The following ALMS1 variants were observed in gnomAD, a reference collection of about 807,000 sequenced individuals.
ALMS1 encodes the protein centrosome-associated protein ALMS1.
Under a neutral mutation model 352.2 loss-of-function variants are expected in ALMS1, and 271 were observed. The observed-to-expected ratio is 0.77, with a 90% CI of 0.70 to 0.85. The LOEUF is 0.85. ALMS1 is among the 40% of genes least tolerant of loss of function. The pLI is 0.00. For missense variants in ALMS1, 5,445 were observed against 4,870.7 expected (o/e 1.12, Z -3.51); for synonymous variants, 1,865 against 1,761.2 (o/e 1.06, Z -1.48).
At chr2:73,436,708 A>G (rs557215877) in intron 7 of ALMS1, among the ~76,000 whole-genome samples, 1 of 152,152 alleles carries the variant, frequency 6.6e-6, no homozygotes, top group Non-Finnish European at 1.5e-5. Context: ...TGTACTTTTC[A>G]GCCTTAGAAT....
At chr2:73,566,091 G>C (rs2104086447) in intron 15 of ALMS1, among the ~76,000 whole-genome samples, 1 of 151,982 alleles carries the variant, frequency 6.6e-6, no homozygotes, top group South Asian at 2.1e-4. Flanking sequence ...CTGGGTATGG[G>C]GTATAGGTAA....
At position 73,609,588 on chromosome 2, in the gene ALMS1, G is replaced by A. The variant is rs756592287; in HGVS notation, c.12483G>A (p.Leu4161=). 1.7e-5 allele frequency: 28 copies of A among 1,613,940 alleles called. No individual in the cohort carries two copies. Among genetic ancestry groups the A allele is most frequent in the Non-Finnish European group, 2.4e-5 (28 of 1,179,968 alleles). Residue 4161 remains leucine, a synonymous_variant, in exon 23 of 23, where the codon CTG becomes CTA. Transcript: ENST00000613296. The stretch of plus-strand genomic sequence containing the variant: ...TACAGAGAGTGACCAATCAACTTCT[G>A]GGGAGAAAAGTTCCCTGGGACTGAC... ...LYKKRVTNQL[L]GRKVPWD is the part of the protein sequence containing the mutation.
At chr2:73,393,491 A>G (rs768884047) in intron 1 of ALMS1, among the ~76,000 whole-genome samples, 11 of 151,762 alleles carry the variant, frequency 7.2e-5, no homozygotes, top group South Asian at 4.1e-4. Flanking sequence ...CAGGGCTTTT[A>G]GTGTATCCAT....
At chr2:73,517,325 C>T (rs966077239) in intron 10 of ALMS1, among the ~76,000 whole-genome samples, 1 of 138,720 alleles carries the variant, frequency 7.2e-6, no homozygotes, top group Non-Finnish European at 1.5e-5. Context: ...GCAGTCACGG[C>T]TCACTGCTGC....
intron 16 of ALMS1, among the ~76,000 whole-genome samples, chr2:73,598,221 A>G (rs778323581): frequency 6.6e-6 from 1 of 152,196 alleles, no homozygotes; most frequent in African/African-American, 2.4e-5. Context: ...GTTCAAATCT[A>G]GGTATGGTAT....
chr2:73,579,107 T>C (rs1217936543), intron 16 of ALMS1, among the ~76,000 whole-genome samples: 1 of 143,208 alleles, frequency 7.0e-6, no homozygotes, highest in Non-Finnish European at 1.5e-5. Flanking sequence ...CGTCCTGGGC[T>C]GTAGTGCAAT....
At chr2:73,396,383 A>G (rs915684435) in intron 1 of ALMS1, among the ~76,000 whole-genome samples, 1 of 151,954 alleles carries the variant, frequency 6.6e-6, no homozygotes, top group African/African-American at 2.4e-5. Context: ...TTTGTAAGAT[A>G]TATTGGTCTG....
chr2:73,524,100 A>C (rs1204945775), intron 11 of ALMS1, among the ~76,000 whole-genome samples: 1 of 152,220 alleles, frequency 6.6e-6, no homozygotes, highest in Admixed American at 6.5e-5. Flanking sequence ...TCCTTTTTGT[A>C]AAGATAGAAA....
chr2:73,504,746 TA>T (rs1377057787), intron 10 of ALMS1, among the ~76,000 whole-genome samples: 2 of 152,158 alleles, frequency 1.3e-5, no homozygotes, highest in East Asian at 3.8e-4. Flanking sequence ...CTTTTTTTTT[TA>T]TACTTTAAGT....
At chr2:73,545,569 A>C (rs762407139) in intron 12 of ALMS1, among the ~76,000 whole-genome samples, 1 of 152,240 alleles carries the variant, frequency 6.6e-6, no homozygotes, top group Non-Finnish European at 1.5e-5. Context: ...GTAGATGTCT[A>C]TGTTCCAAAT....
chr2:73,576,137 G>T (rs1675050066), intron 16 of ALMS1, among the ~76,000 whole-genome samples: 1 of 151,954 alleles, frequency 6.6e-6, no homozygotes, highest in Non-Finnish European at 1.5e-5. Flanking sequence ...TATACGTGAG[G>T]GTTTTTATCT....
At chr2:73,587,108 AT>A (rs1675330236) in intron 16 of ALMS1, among the ~76,000 whole-genome samples, 1 of 152,084 alleles carries the variant, frequency 6.6e-6, no homozygotes, top group South Asian at 2.1e-4. Context: ...AGTGCTACTG[AT>A]TTGTGTACAT....
intron 1 of ALMS1, among the ~76,000 whole-genome samples, chr2:73,388,048 G>C (rs1396688840): frequency 6.6e-6 from 1 of 152,186 alleles, no homozygotes; most frequent in African/African-American, 2.4e-5. Context: ...GTGGGTGGTG[G>C]AATTGGTTGG....
chr2:73,487,263 AG>A (rs1672870427), intron 9 of ALMS1, among the ~76,000 whole-genome samples: 1 of 152,062 alleles, frequency 6.6e-6, no homozygotes, highest in African/African-American at 2.4e-5. Flanking sequence ...TGGAGTGGTG[AG>A]GGGTGTGTGG....
At chr2:73,454,777 T>A (rs759322384) in intron 8 of ALMS1, among the ~76,000 whole-genome samples, 5 of 152,204 alleles carry the variant, frequency 3.3e-5, no homozygotes, top group Non-Finnish European at 5.9e-5. Flanking sequence ...CCCTGCACAT[T>A]TTTATTCTAC....
chr2:73,602,716 C>G (rs1007222987), intron 20 of ALMS1, among the ~76,000 whole-genome samples: 4 of 152,186 alleles, frequency 2.6e-5, no homozygotes, highest in Non-Finnish European at 5.9e-5. Flanking sequence ...TAATAATAAA[C>G]ACATAGTCCT....
Position 73,419,121 on chromosome 2 carries a change from A to G in ALMS1, c.451-2A>G. 1 of 1,612,648 alleles carries G rather than the reference A, an allele frequency of 6.2e-7. No individual in the cohort carries two copies. Among genetic ancestry groups the G allele is most frequent in the South Asian group, 1.1e-5 (1 of 91,060 alleles). On this transcript the variant is annotated splice_acceptor_variant, in intron 2 of 22. Transcript: ENST00000613296. LOFTEE classifies it high-confidence loss of function. ...GCATGTTTTCCTTTAACATTTTTCT[A>G]GAAAACAGAATCTTGGCATTGTCTT...
chr2:73,602,692 G>T (rs1366987046), intron 20 of ALMS1, among the ~76,000 whole-genome samples: 1 of 152,146 alleles, frequency 6.6e-6, no homozygotes, highest in Non-Finnish European at 1.5e-5. Flanking sequence ...TACCTCTTAG[G>T]ATGGTAATAA....
At chr2:73,496,995 A>G (rs757732500) in intron 10 of ALMS1, among the ~76,000 whole-genome samples, 6 of 152,194 alleles carry the variant, frequency 3.9e-5, no homozygotes, top group African/African-American at 7.2e-5. Flanking sequence ...TCTTCACAGT[A>G]TGCGACTTGT....
Sources: allele counts gnomAD v4.1 joint callset (sites outside exome capture counted in the v4.1 genomes callset), GRCh38; gene constraint gnomAD v4.1.1; transcripts MANE v1.5; gene names NCBI Gene and HGNC (gene_info 2026-07-23, HGNC 2026-07-21).